Variants in SLC71A2 observed in about 807,000 individuals in gnomAD.
The protein encoded by SLC71A2 is solute carrier family 71 member 2, also known as hippocampus abundant transcript-like 1.
At chr9:94,455,023 CCTTA>C in the SLC71A2 span, among the ~76,000 whole-genome samples, 1 of 152,034 alleles carries the variant, frequency 6.6e-6, no homozygotes, top group Non-Finnish European at 1.5e-5. Context: ...TAGAGCTGGT[CCTTA>C]CTTTGGACAC....
the SLC71A2 span, among the ~76,000 whole-genome samples, chr9:94,432,002 C>T: frequency 2.0e-5 from 3 of 152,040 alleles, no homozygotes; most frequent in Non-Finnish European, 4.4e-5. Flanking sequence ...AGGAGGCTCT[C>T]ATTAGATTCT....
chr9:94,387,496 A>G, the SLC71A2 span, among the ~76,000 whole-genome samples: 5 of 151,984 alleles, frequency 3.3e-5, no homozygotes, highest in Non-Finnish European at 7.4e-5. Flanking sequence ...TTTATTGACT[A>G]TGACTCATCA....
the SLC71A2 span, among the ~76,000 whole-genome samples, chr9:94,447,132 G>A: frequency 6.6e-6 from 1 of 151,992 alleles, no homozygotes; most frequent in African/African-American, 2.4e-5. Flanking sequence ...AATTACTGTG[G>A]AAATTTTTTT....
At chr9:94,404,298 T>C in the SLC71A2 span, among the ~76,000 whole-genome samples, 1 of 152,050 alleles carries the variant, frequency 6.6e-6, no homozygotes, top group African/African-American at 2.4e-5. Flanking sequence ...TTTCTTTCTC[T>C]TTTTTGTTTT....
chr9:94,416,434 G>A, the SLC71A2 span, among the ~76,000 whole-genome samples: 2 of 152,190 alleles, frequency 1.3e-5, no homozygotes, highest in African/African-American at 4.8e-5. Flanking sequence ...TCTGGGTACG[G>A]ATAATCTTTG....
the SLC71A2 span, among the ~76,000 whole-genome samples, chr9:94,418,192 C>T: frequency 6.6e-6 from 1 of 152,200 alleles, no homozygotes; most frequent in Non-Finnish European, 1.5e-5. Context: ...GATAATGTCT[C>T]ATACATCTCT....
At chr9:94,421,260 A>G in the SLC71A2 span, among the ~76,000 whole-genome samples, 2 of 152,158 alleles carry the variant, frequency 1.3e-5, no homozygotes, top group African/African-American at 4.8e-5. Context: ...TATAATGTGT[A>G]CAGAAAGATG....
chr9:94,399,103 C>T, the SLC71A2 span, among the ~76,000 whole-genome samples: 9 of 152,160 alleles, frequency 5.9e-5, no homozygotes, highest in Non-Finnish European at 8.8e-5. Context: ...AGATGTGAGC[C>T]ATCGTGCCCG....
At chr9:94,450,046 G>A in the SLC71A2 span, among the ~76,000 whole-genome samples, 1 of 152,150 alleles carries the variant, frequency 6.6e-6, no homozygotes, top group Admixed American at 6.5e-5. Flanking sequence ...CTAACGGTTG[G>A]GGGATGGGAA....
the SLC71A2 span, among the ~76,000 whole-genome samples, chr9:94,388,337 A>G: frequency 1.4e-4 from 21 of 152,124 alleles, no homozygotes; most frequent in Non-Finnish European, 2.2e-4. Flanking sequence ...TGGGTGGGAA[A>G]CTTATGGAGG....
At chr9:94,446,180 A>T in the SLC71A2 span, among the ~76,000 whole-genome samples, 133 of 152,362 alleles carry the variant, frequency 8.7e-4, no homozygotes, top group Middle Eastern at 0.01. Context: ...TTTGCTTATT[A>T]ATTACATAAA....
chr9:94,417,920 G>A, the SLC71A2 span, among the ~76,000 whole-genome samples: 1 of 121,600 alleles, frequency 8.2e-6, no homozygotes, highest in East Asian at 2.7e-4. Context: ...TCAGTGGCGT[G>A]ATCTCAGCTC....
At chr9:94,455,840 G>T in the SLC71A2 span, among the ~76,000 whole-genome samples, 1 of 152,204 alleles carries the variant, frequency 6.6e-6, no homozygotes, top group Non-Finnish European at 1.5e-5. Context: ...CTCGAGGGCA[G>T]TGTGAAAGTG....
chr9:94,409,265 A>G, the SLC71A2 span, among the ~76,000 whole-genome samples: 4 of 143,830 alleles, frequency 2.8e-5, no homozygotes, highest in Admixed American at 2.2e-4. Context: ...GCAGCCTCCC[A>G]AATAGCTGGG....
At chr9:94,442,679 C>T in the SLC71A2 span, among the ~76,000 whole-genome samples, 46,806 of 146,686 alleles carry the variant, frequency 0.32, 7,531 homozygotes, top group Admixed American at 0.45. Flanking sequence ...GGTGAAACCC[C>T]GTCTCTACTA....
chr9:94,450,493 C>CTTTTTTTTTTTT, the SLC71A2 span, among the ~76,000 whole-genome samples: 9,538 of 100,870 alleles, frequency 0.095, 1,613 homozygotes, highest in African/African-American at 0.16. Flanking sequence ...AATAATGTAA[C>CTTTTTTTTTTTT]TTTTTTTTTT....
the SLC71A2 span, among the ~76,000 whole-genome samples, chr9:94,423,375 A>G: frequency 6.6e-6 from 1 of 151,936 alleles, no homozygotes; most frequent in East Asian, 1.9e-4. Context: ...AAACCAAGCC[A>G]CGTGTGCCCT....
chr9:94,382,445 C>T, the SLC71A2 span, among the ~76,000 whole-genome samples: 39 of 151,912 alleles, frequency 2.6e-4, no homozygotes, highest in Non-Finnish European at 7.4e-5. Context: ...TTTGAGAATT[C>T]GTTACATATT....
chr9:94,439,022 G>GGTTTTTT, the SLC71A2 span, among the ~76,000 whole-genome samples: 6 of 115,688 alleles, frequency 5.2e-5, no homozygotes, highest in African/African-American at 1.6e-4. Flanking sequence ...ATTTGAGTTC[G>GGTTTTTT]TTTTTTTTTT....
Sources: gnomAD v4.1 joint callset for allele counts (sites outside exome capture counted in the v4.1 genomes callset) on GRCh38, gnomAD v4.1.1 for gene constraint, MANE v1.5 for transcripts, NCBI Gene and HGNC (gene_info 2026-07-23, HGNC 2026-07-21) for gene names.